Variants in TNIP3 observed in about 807,000 individuals in gnomAD.
TNIP3 encodes TNFAIP3-interacting protein 3.
TNIP3 carries 34 observed loss-of-function variants against 54.1 expected under a neutral mutation model. The observed-to-expected ratio is 0.63, with a 90% CI of 0.48 to 0.84. The LOEUF is 0.84. Among genes scored for constraint, TNIP3 ranks in the 40% least tolerant of loss-of-function variants. The pLI is 0.00. For synonymous variants in TNIP3, 134 were observed against 136.8 expected, an observed-to-expected ratio of 0.98 and a Z score of 0.14; for missense variants, 366 against 387.6, an observed-to-expected ratio of 0.94 and a Z score of 0.47.
In TNIP3 at chr4:121,157,211, C is replaced by T. The variant is rs1730167373; in HGVS notation, c.246G>A (p.Ala82=). Residue 82 remains alanine (A), a synonymous_variant, in exon 4 of 11, where the codon GCG becomes GCA. Coordinates refer to ENST00000057513, the MANE Select transcript of TNIP3 (RefSeq NM_024873.6). ...TCTCCCGCGTGCTGAGGAATCTTTC[C>T]GCGGCGTCCAGTTTCGTCTTCAGCT... ...VAELKTKLDA[A]ERFLSTREKD... 18 of 1,614,006 alleles carry T rather than the reference C, an allele frequency of 1.1e-5. No homozygotes were observed. Among genetic ancestry groups the T allele is most frequent in the Non-Finnish European group, 1.4e-5 (17 of 1,180,040 alleles).
At chr4:121,155,664 C>T (rs561742778) in intron 4 of TNIP3, among the ~76,000 whole-genome samples, 1 of 152,130 alleles carries the variant, frequency 6.6e-6, no homozygotes, top group Non-Finnish European at 1.5e-5. Flanking sequence ...TCTCCTACCT[C>T]TTAATTTTGT....
chr4:121,172,026 C>T (rs527928647), intron 3 of TNIP3, among the ~76,000 whole-genome samples: 1 of 152,340 alleles, frequency 6.6e-6, no homozygotes, highest in Non-Finnish European at 1.5e-5. Context: ...AGCCACCACA[C>T]CTGGCCCCTA....
At chr4:121,138,458 A>G (rs1728916242) in intron 10 of TNIP3, among the ~76,000 whole-genome samples, 166 bp downstream of exon 10, 1 of 152,248 alleles carries the variant, frequency 6.6e-6, no homozygotes, top group South Asian at 2.1e-4. Context: ...CTTTGTCTTA[A>G]GGAGTTCAAT....
intron 2 of TNIP3, among the ~76,000 whole-genome samples, chr4:121,190,246 G>A (rs914332564): frequency 6.6e-6 from 1 of 152,140 alleles, no homozygotes; most frequent in Non-Finnish European, 1.5e-5. Context: ...TTTGCCTGGC[G>A]TGTTTACTCA....
At position 121,199,393 on chromosome 4, in the gene TNIP3, A is replaced by C. The variant is rs75543335; in HGVS notation, c.69-16597T>G. On this transcript the variant is annotated intron_variant, in intron 2 of 12. Coordinates refer to the TNIP3 transcript ENST00000507879. ...AAAAGAAGTCGGACATGAGGTCTAT[A>C]AGAAAACAATATTACTATGTTTCTA... Among the ~76,000 whole-genome samples, 111 of 152,292 alleles carry C rather than the reference A, an allele frequency of 7.3e-4. 3 individuals carry two copies. In the East Asian group the frequency reaches 0.015, roughly 20 times the overall value.
intron 2 of TNIP3, among the ~76,000 whole-genome samples, chr4:121,193,464 A>C (rs1725407734): frequency 6.6e-6 from 1 of 152,212 alleles, no homozygotes; most frequent in African/African-American, 2.4e-5. Flanking sequence ...AATAAACATA[A>C]GTGGGGGTAA....
intron 2 of TNIP3, among the ~76,000 whole-genome samples, chr4:121,200,061 C>T (rs991150844): frequency 2.0e-5 from 3 of 152,154 alleles, no homozygotes; most frequent in African/African-American, 7.2e-5. Context: ...CCTTACCTGT[C>T]AATATTGAGA....
At chr4:121,144,114 C>T (rs1729287348) in intron 7 of TNIP3, among the ~76,000 whole-genome samples, 1 of 152,174 alleles carries the variant, frequency 6.6e-6, no homozygotes, top group Non-Finnish European at 1.5e-5. Flanking sequence ...GGGAAATTCA[C>T]ATATGCAGAA....
At chr4:121,213,588 G>A (rs908495566) in intron 2 of TNIP3, among the ~76,000 whole-genome samples, 10 of 151,772 alleles carry the variant, frequency 6.6e-5, no homozygotes, top group East Asian at 3.9e-4. Flanking sequence ...TTAGCCGGGC[G>A]TGGTGGCGGG....
At chr4:121,204,181 A>G (rs1455825696) in intron 2 of TNIP3, among the ~76,000 whole-genome samples, 3 of 152,290 alleles carry the variant, frequency 2.0e-5, no homozygotes, top group Non-Finnish European at 1.5e-5. Context: ...TCTCGAAGCT[A>G]AAGGGCAAAG....
chr4:121,134,990 G>T (rs1299273024), intron 10 of TNIP3, among the ~76,000 whole-genome samples: 1 of 152,032 alleles, frequency 6.6e-6, no homozygotes, highest in Non-Finnish European at 1.5e-5. Flanking sequence ...AGTGGTGAGG[G>T]GTGTATGGAC....
upstream of TNIP3, chr4:121,227,467 T>C (rs1727306899): frequency 3.1e-6 from 4 of 1,274,578 alleles, no homozygotes; most frequent in Admixed American, 8.6e-5. Context: ...TAAGACTCTT[T>C]GAATCAAACA....
chr4:121,150,417 A>G (rs1358580698), intron 5 of TNIP3, among the ~76,000 whole-genome samples, 198 bp from the exon 6 acceptor site: 2 of 151,324 alleles, frequency 1.3e-5, no homozygotes, highest in Non-Finnish European at 2.9e-5. Context: ...TCTTTTTTCC[A>G]TGATGATGCT....
intron 9 of TNIP3, 54 bp downstream of exon 9, chr4:121,141,762 T>A: frequency 8.2e-7 from 1 of 1,214,450 alleles, no homozygotes; most frequent in Non-Finnish European, 1.1e-6. Context: ...GAGATGCACA[T>A]AATTTCTACC....
At chr4:121,182,333 A>C (rs1401651024) in intron 3 of TNIP3, among the ~76,000 whole-genome samples, 1 of 152,206 alleles carries the variant, frequency 6.6e-6, no homozygotes, top group East Asian at 1.9e-4. Context: ...AGTTGTGCTG[A>C]TCTTGGTAAC....
At chr4:121,188,541 T>C (rs540173957) in intron 2 of TNIP3, among the ~76,000 whole-genome samples, 2 of 152,334 alleles carry the variant, frequency 1.3e-5, no homozygotes, top group East Asian at 3.9e-4. Flanking sequence ...TTGTTGAATG[T>C]CATTGTTTAA....
At chr4:121,139,259 T>C (rs12648211) in intron 9 of TNIP3, among the ~76,000 whole-genome samples, 9,540 of 152,278 alleles carry the variant, frequency 0.063, 395 homozygotes, top group South Asian at 0.21. Flanking sequence ...TAGTTTAGTC[T>C]ACAGAGACAA....
intron 2 of TNIP3, among the ~76,000 whole-genome samples, chr4:121,206,852 G>A (rs971194104): frequency 6.6e-6 from 1 of 152,148 alleles, no homozygotes; most frequent in African/African-American, 2.4e-5. Context: ...TTACAGGTGT[G>A]AGCCACTGAG....
chr4:121,195,328 T>C (rs374889567), intron 2 of TNIP3, among the ~76,000 whole-genome samples: 2 of 152,338 alleles, frequency 1.3e-5, no homozygotes, highest in African/African-American at 4.8e-5. Flanking sequence ...TTTAAAATTA[T>C]TCTTTAAACA....
Sources: gnomAD v4.1 joint callset for allele counts (sites outside exome capture counted in the v4.1 genomes callset) on GRCh38, gnomAD v4.1.1 for gene constraint, MANE v1.5 for transcripts, NCBI Gene and HGNC (gene_info 2026-07-23, HGNC 2026-07-21) for gene names.